Variants in BAALC observed in about 807,000 individuals in gnomAD.
BAALC encodes the protein brain and acute leukemia cytoplasmic protein.
BAALC carries 9 observed loss-of-function variants against 15.5 expected under a neutral mutation model. That is an observed-to-expected ratio of 0.58 (90% CI 0.35 to 1.02). The LOEUF is 1.02. Ranked by LOEUF, BAALC falls within the 50% of genes least tolerant of loss-of-function variation. The pLI is 0.02. For synonymous variants in BAALC, 80 were observed against 74.6 expected, an observed-to-expected ratio of 1.07 and a Z score of -0.37; for missense variants, 201 against 192.4, an observed-to-expected ratio of 1.04 and a Z score of -0.27.
chr8:103,173,713 A>C (rs1448721086), intron 1 of BAALC, among the ~76,000 whole-genome samples: 1 of 152,222 alleles, frequency 6.6e-6, no homozygotes, highest in Non-Finnish European at 1.5e-5. Flanking sequence ...AGATTTCCAA[A>C]CTTTATACTT....
At chr8:103,198,033 G>A (rs72673325) in intron 1 of BAALC, 37,789 of 668,804 alleles carry the variant, frequency 0.057, 1,402 homozygotes, top group Middle Eastern at 0.12. Context: ...CCTGATTTGA[G>A]CCATTAAATA....
In BAALC at chr8:103,181,559, A is replaced by G. The variant is rs563830835; in HGVS notation, c.161-31360A>G. On this transcript the variant is annotated intron_variant, in intron 1 of 2. Transcript: ENST00000309982. Reference sequence around the variant, plus strand: ...AGTGCTGGGATTACAGGTGTGAGCCACCTCGCCCGGCCAGGAATATCTTTA... The same window carrying G: ...AGTGCTGGGATTACAGGTGTGAGCCGCCTCGCCCGGCCAGGAATATCTTTA... 5.3e-5 allele frequency among the ~76,000 whole-genome samples: 8 copies of G among 152,244 alleles called. No individual in the cohort carries two copies. The South Asian group carries it at 1.7e-3, about 32-fold the overall frequency.
chr8:103,200,622 G>T, intron 1 of BAALC: 1 of 656,200 alleles, frequency 1.5e-6, no homozygotes, highest in Non-Finnish European at 2.8e-6. Flanking sequence ...ACCTATACTG[G>T]ATAATTTATA....
rs577576231 is a variant in BAALC, at chr8:103,176,120, G to T, written c.160+35063G>T. On this transcript the variant is annotated intron_variant, in intron 1 of 2. Transcript: ENST00000309982. ...TGTGTAAGATTTAAAAGAAAAAAAG[G>T]TGTGAGTGTGTGTGCACGCTGATCA... Among the ~76,000 whole-genome samples, 20 of 152,294 alleles carry T rather than the reference G, an allele frequency of 1.3e-4. No individual in the cohort carries two copies. In the South Asian group the frequency reaches 4.1e-3, roughly 32 times the overall value.
chr8:103,225,586 C>T lies in BAALC; in HGVS notation c.328-2403C>T, dbSNP rs190104988. Among the ~76,000 whole-genome samples the T allele has an allele frequency of 4.6e-5, 7 of 152,270 alleles. No individual in the cohort carries two copies. The East Asian group carries it at 9.7e-4, about 21-fold the overall frequency. ...TGTGTGAGTTCAGTCAGCGGAACAGCTGTAGTCTAGCCTCAGCCAGATCCC... is the reference window on the plus strand; with the variant it reads ...TGTGTGAGTTCAGTCAGCGGAACAGTTGTAGTCTAGCCTCAGCCAGATCCC... On this transcript the variant is annotated intron_variant, in intron 2 of 2. Coordinates refer to ENST00000309982, the MANE Select transcript of BAALC (RefSeq NM_024812.3).
chr8:103,175,953 G>A (rs781376325), intron 1 of BAALC, among the ~76,000 whole-genome samples: 9 of 152,174 alleles, frequency 5.9e-5, no homozygotes, highest in African/African-American at 1.9e-4. Context: ...TTGAGGGTTC[G>A]AGATATAAAA....
intron 2 of BAALC, among the ~76,000 whole-genome samples, chr8:103,224,315 C>T (rs1459598873): frequency 6.7e-6 from 1 of 150,292 alleles, no homozygotes; most frequent in East Asian, 2.0e-4. Flanking sequence ...GTGAGCGGGG[C>T]ACAGCGCTTG....
At chr8:103,181,663 G>T (rs138594796) in intron 1 of BAALC, among the ~76,000 whole-genome samples, 2 of 152,050 alleles carry the variant, frequency 1.3e-5, no homozygotes, top group Non-Finnish European at 2.9e-5. Context: ...TGATTTCCTC[G>T]GGACCTAGGG....
chr8:103,184,484 C>T (rs1413760092), intron 1 of BAALC, among the ~76,000 whole-genome samples: 1 of 152,188 alleles, frequency 6.6e-6, no homozygotes, highest in East Asian at 1.9e-4. Flanking sequence ...TTCACTGCAT[C>T]TCCCAAAATT....
In BAALC at chr8:103,158,299, CAT is replaced by C. The variant is rs570831799; in HGVS notation, c.160+17243_160+17244del. ...AACCTTCAGGAAAGCTATTGCGCAACATGGTGACTAGCGTTAATAACAATGTA... is the reference window on the plus strand; with the variant it reads ...AACCTTCAGGAAAGCTATTGCGCAACGGTGACTAGCGTTAATAACAATGTA... On this transcript the variant is annotated intron_variant, in intron 1 of 2. Transcript: ENST00000309982. Among the ~76,000 whole-genome samples, 645 of 152,282 alleles carry C rather than the reference CAT, an allele frequency of 4.2e-3. 4 individuals carry two copies. The highest frequency in any genetic ancestry group is 3.9e-3 in the Non-Finnish European group (266 of 68,016).
chr8:103,208,275 A>G (rs1349453106), intron 1 of BAALC: 3 of 152,256 alleles, frequency 2.0e-5, no homozygotes, highest in African/African-American at 7.2e-5. Flanking sequence ...TGGCAGTATT[A>G]TCTCCATTTA....
chr8:103,213,008 G>C lies in BAALC; in HGVS notation c.250G>C (p.Glu84Gln), dbSNP rs1812485274. ...IPNPEKKTNCETQCPNPQSLS... is the reference protein window; with the variant it reads ...IPNPEKKTNCQTQCPNPQSLS... ...CAACCCAGAGAAGAAGACGAACTGT[G>C]AGACCCAGTGCCCAAATCCCCAGAG... Residue 84 changes from glutamate to glutamine, a missense_variant, in exon 2 of 3, where the codon GAG (glutamate) becomes CAG (glutamine). Coordinates refer to ENST00000309982, the MANE Select transcript of BAALC (RefSeq NM_024812.3). The C allele has an allele frequency of 6.2e-7, 1 of 1,614,020 alleles. No homozygotes were observed. The highest frequency in any genetic ancestry group is 1.1e-5 in the South Asian group (1 of 91,092).
intron 1 of BAALC, among the ~76,000 whole-genome samples, chr8:103,164,990 G>A (rs933197557): frequency 1.4e-4 from 21 of 152,140 alleles, no homozygotes; most frequent in African/African-American, 4.8e-4. Flanking sequence ...CACTAACTTT[G>A]GTATCTGTCT....
intron 1 of BAALC, among the ~76,000 whole-genome samples, chr8:103,207,647 A>G (rs1045923059): frequency 2.0e-5 from 3 of 152,120 alleles, no homozygotes; most frequent in African/African-American, 7.2e-5. Context: ...CTTTTAGGCA[A>G]ATGGCAGGGG....
At chr8:103,219,378 C>T (rs1812630251) in intron 2 of BAALC, 1 of 152,390 alleles carries the variant, frequency 6.6e-6, no homozygotes, top group South Asian at 2.1e-4. Flanking sequence ...GAAAAGGTTC[C>T]CATAGCTTCA....
chr8:103,228,168 A>G lies in BAALC; in HGVS notation c.*69A>G. 1 of 1,117,012 alleles carries G rather than the reference A, an allele frequency of 9.0e-7. No homozygotes were observed. The highest frequency in any genetic ancestry group is 2.4e-5 in the East Asian group (1 of 41,514). 69.2% of individuals were successfully genotyped at this position (1,117,012 alleles called of 1,614,324 possible). On this transcript the variant is annotated 3_prime_UTR_variant, in exon 3 of 3. Transcript: ENST00000309982. ...TTCACGGCACTGGATCCCATCAAAG[A>G]ACCTTGAAGAAGTGGCTGCCCCTTG...
intron 1 of BAALC, among the ~76,000 whole-genome samples, chr8:103,203,560 C>A (rs748673712): frequency 6.6e-6 from 1 of 152,148 alleles, no homozygotes; most frequent in African/African-American, 2.4e-5. Flanking sequence ...CAAAAAGAAA[C>A]CCTGAACTTA....
chr8:103,150,687 G>T (rs1810967476), intron 1 of BAALC, among the ~76,000 whole-genome samples: 1 of 152,230 alleles, frequency 6.6e-6, no homozygotes, highest in South Asian at 2.1e-4. Flanking sequence ...TGGTGATGTT[G>T]TGAGTCTTGG....
chr8:103,158,311 C>A (rs1006631840), intron 1 of BAALC, among the ~76,000 whole-genome samples: 1 of 152,120 alleles, frequency 6.6e-6, no homozygotes, highest in Non-Finnish European at 1.5e-5. Context: ...TGGTGACTAG[C>A]GTTAATAACA....
Sources: gnomAD v4.1 joint callset for allele counts (sites outside exome capture counted in the v4.1 genomes callset) on GRCh38, gnomAD v4.1.1 for gene constraint, MANE v1.5 for transcripts, NCBI Gene and HGNC (gene_info 2026-07-23, HGNC 2026-07-21) for gene names.